Variants in ABCE1 observed in about 807,000 individuals in gnomAD.
The protein encoded by ABCE1 is ATP binding cassette subfamily E member 1, also known as ATP-binding cassette sub-family E member 1.
Under a neutral mutation model 83.4 loss-of-function variants are expected in ABCE1, and 22 were observed. The observed-to-expected ratio is 0.26, with a 90% CI of 0.19 to 0.38. ABCE1 has a LOEUF of 0.38. Among genes scored for constraint, ABCE1 ranks in the 10% least tolerant of loss-of-function variants. The pLI is 1.00. For missense variants in ABCE1, 330 were observed against 721.9 expected (o/e 0.46, Z 6.22); for synonymous variants, 204 against 233.7 (o/e 0.87, Z 1.16).
intron 16 of ABCE1, among the ~76,000 whole-genome samples, chr4:145,124,364 T>A (rs552979839): frequency 2.7e-4 from 41 of 152,204 alleles, no homozygotes; most frequent in African/African-American, 6.7e-4. Flanking sequence ...TTTTTTTTTT[T>A]TATAAATTGA....
intron 11 of ABCE1, among the ~76,000 whole-genome samples, chr4:145,120,814 C>T (rs528536084): frequency 4.3e-4 from 66 of 152,102 alleles, no homozygotes; most frequent in Non-Finnish European, 9.4e-4. Flanking sequence ...TATAAGTAAA[C>T]TTTAAAATTA....
At position 145,110,213 on chromosome 4, in the gene ABCE1, T is replaced by C; in HGVS notation, c.516T>C (p.Tyr172=). The C allele has an allele frequency of 1.9e-6, 3 of 1,604,214 alleles. No homozygotes were observed. Among genetic ancestry groups the C allele is most frequent in the Admixed American group, 1.7e-5 (1 of 57,680 alleles). The change falls in exon 6 of 18, where the codon TAT becomes TAC. Residue 172 remains tyrosine (Y), a synonymous_variant. Transcript: ENST00000296577. ...DDLKAIIKPQ[Y]VDQIPKAAKG... ...TAAAAGCCATCATCAAACCTCAATATGTAGACCAGATTCCTAAGGCTGCAA... is the reference window on the plus strand; with the variant it reads ...TAAAAGCCATCATCAAACCTCAATACGTAGACCAGATTCCTAAGGCTGCAA...
At chr4:145,106,343 A>G (rs1749304976) in intron 3 of ABCE1, among the ~76,000 whole-genome samples, 1 of 152,032 alleles carries the variant, frequency 6.6e-6, no homozygotes. Flanking sequence ...TATATTTCAC[A>G]TTGGTTTCTG....
intron 1 of ABCE1, among the ~76,000 whole-genome samples, chr4:145,103,287 A>G (rs1175057268): frequency 6.6e-6 from 1 of 152,204 alleles, no homozygotes; most frequent in Non-Finnish European, 1.5e-5. Context: ...TCACAGTAAG[A>G]AAAAGACAAC....
chr4:145,117,539 A>T (rs1016238018), intron 10 of ABCE1, 125 bp downstream of exon 10: 4 of 797,386 alleles, frequency 5.0e-6, no homozygotes, highest in Non-Finnish European at 7.4e-6. Context: ...GTTCCTTGGA[A>T]TTTAATCACT....
Position 145,103,519 on chromosome 4 carries a change from CTTTAAAAGT to C in ABCE1, c.-27-866_-27-858del, listed in dbSNP as rs1372319407. Among the ~76,000 whole-genome samples the C allele has an allele frequency of 2.0e-5, 3 of 152,258 alleles. No individual in the cohort carries two copies. In the South Asian group the frequency reaches 6.2e-4, roughly 32 times the overall value. On this transcript the variant is annotated intron_variant, in intron 1 of 17. Coordinates refer to ENST00000296577, the MANE Select transcript of ABCE1 (RefSeq NM_002940.3). ...ATTGGAATATCAAGACTTATAAAAG[CTTTAAAAGT>C]GAGCATAGTATATACATATAGTTAT...
At chr4:145,120,274 A>G (rs770057634) in intron 11 of ABCE1, 121 bp downstream of exon 11, 3 of 822,054 alleles carry the variant, frequency 3.6e-6, no homozygotes, top group Non-Finnish European at 5.6e-6. Flanking sequence ...TTTTATTTAA[A>G]CCCACAAATT....
intron 1 of ABCE1, among the ~76,000 whole-genome samples, chr4:145,100,680 A>G (rs928389079): frequency 3.3e-5 from 5 of 152,256 alleles, no homozygotes; most frequent in Non-Finnish European, 7.3e-5. Context: ...TTTTAGAGGA[A>G]TAGAGTCAAC....
chr4:145,102,706 G>T (rs1230966949), intron 1 of ABCE1, among the ~76,000 whole-genome samples: 1 of 152,142 alleles, frequency 6.6e-6, no homozygotes, highest in African/African-American at 2.4e-5. Context: ...AGGGACAGTG[G>T]AAATATGATA....
chr4:145,105,171 A>G (rs993753574), intron 2 of ABCE1, among the ~76,000 whole-genome samples: 1 of 152,124 alleles, frequency 6.6e-6, no homozygotes, highest in Non-Finnish European at 1.5e-5. Flanking sequence ...TGTATGTTAG[A>G]TGACTGCATA....
chr4:145,110,814 T>C, intron 7 of ABCE1, 154 bp from the exon 8 acceptor site: 1 of 591,514 alleles, frequency 1.7e-6, no homozygotes, highest in Admixed American at 3.3e-5. Context: ...AAAGTACACA[T>C]CTTTATGTGG....
At position 145,110,387 on chromosome 4, in the gene ABCE1, T is replaced by A; in HGVS notation, c.556T>A (p.Ser186Thr). The change falls in exon 7 of 18, where the codon TCT (serine) becomes ACT (threonine). Residue 186 changes from serine (S) to threonine (T), a missense_variant. Transcript: ENST00000296577. ...IPKAAKGTVGSILDRKDETKT... is the reference protein window; with the variant it reads ...IPKAAKGTVGTILDRKDETKT... ...TATATTGTGGCAGGGGACAGTGGGA[T>A]CTATTTTGGACCGAAAAGATGAAAC... 1 of 1,612,424 alleles carries A rather than the reference T, an allele frequency of 6.2e-7. No individual in the cohort carries two copies. Among genetic ancestry groups the A allele is most frequent in the South Asian group, 1.1e-5 (1 of 90,958 alleles).
At chr4:145,107,502 C>G (rs1253414414) in intron 3 of ABCE1, among the ~76,000 whole-genome samples, 1 of 152,124 alleles carries the variant, frequency 6.6e-6, no homozygotes, top group African/African-American at 2.4e-5. Flanking sequence ...CAAAAAACCT[C>G]AAGTTCTACA....
intron 10 of ABCE1, 135 bp from the exon 11 acceptor site, chr4:145,119,797 C>G (rs1749696374): frequency 1.6e-6 from 1 of 614,320 alleles, no homozygotes; most frequent in South Asian, 2.1e-5. Flanking sequence ...TTTTAAGTTA[C>G]TTCTTTATAT....
intron 3 of ABCE1, 117 bp downstream of exon 3, chr4:145,105,807 G>T: frequency 2.0e-6 from 1 of 511,866 alleles, no homozygotes; most frequent in Non-Finnish European, 3.3e-6. Flanking sequence ...AATGAATAGA[G>T]AATGTAAATT....
intron 1 of ABCE1, among the ~76,000 whole-genome samples, chr4:145,100,788 T>C (rs1250603354): frequency 5.3e-5 from 8 of 152,228 alleles, no homozygotes; most frequent in African/African-American, 1.7e-4. Context: ...CAACTGTCAC[T>C]ATAAAATATT....
At chr4:145,118,657 C>A (rs1192993122) in intron 10 of ABCE1, among the ~76,000 whole-genome samples, 1 of 151,846 alleles carries the variant, frequency 6.6e-6, no homozygotes. Flanking sequence ...TTATAAATGT[C>A]ATGTCTAAAG....
chr4:145,110,522 CTGGGG>C lies in ABCE1; in HGVS notation c.613+81_613+85del. Reference sequence around the variant, plus strand: ...CGGAGTTTCGCTCTTGTTGCCCAGGCTGGGGTGCAATGATGCAACCTCTGCTTACC... The same window carrying C: ...CGGAGTTTCGCTCTTGTTGCCCAGGCTGCAATGATGCAACCTCTGCTTACC... On this transcript the variant is annotated intron_variant, in intron 7 of 17. Transcript: ENST00000296577. 3 of 1,428,930 alleles carry C rather than the reference CTGGGG, an allele frequency of 2.1e-6. No homozygotes were observed. The East Asian group carries it at 7.1e-5, about 34-fold the overall frequency. 88.5% of individuals were successfully genotyped at this position (1,428,930 alleles called of 1,614,324 possible).
In ABCE1 at chr4:145,110,419, A is replaced by C. The variant is rs773696855; in HGVS notation, c.588A>C (p.Thr196=). ...TGGACCGAAAAGATGAAACAAAGAC[A>C]CAGGCAATTGTATGTCAGCAGCTTG... ...SILDRKDETK[T]QAIVCQQLDL... is the part of the protein sequence containing the mutation. Residue 196 remains threonine, a synonymous_variant, in exon 7 of 18, where the codon ACA becomes ACC. Coordinates refer to ENST00000296577, the MANE Select transcript of ABCE1 (RefSeq NM_002940.3). The C allele has an allele frequency of 6.2e-7, 1 of 1,612,076 alleles. No homozygotes were observed. The highest frequency in any genetic ancestry group is 1.3e-5 in the African/African-American group (1 of 74,850).
Sources: gnomAD v4.1 joint callset for allele counts (sites outside exome capture counted in the v4.1 genomes callset) on GRCh38, gnomAD v4.1.1 for gene constraint, MANE v1.5 for transcripts, NCBI Gene and HGNC (gene_info 2026-07-23, HGNC 2026-07-21) for gene names.